The following ERICH3 variants were observed in gnomAD, a reference collection of about 807,000 sequenced individuals.
ERICH3 encodes the protein glutamate rich 3, also known as glutamate-rich protein 3.
ERICH3 carries 126 observed loss-of-function variants against 131.1 expected under a neutral mutation model. The observed-to-expected ratio is 0.96, with a 90% CI of 0.83 to 1.11. ERICH3 has a LOEUF of 1.11. Among genes scored for constraint, ERICH3 ranks in the 50% most tolerant of loss-of-function variants. ERICH3 has a pLI of 0.00. For missense variants in ERICH3, 2,050 were observed against 1,810.7 expected, an observed-to-expected ratio of 1.13 and a Z score of -2.40; for synonymous variants, 695 against 644.6, an observed-to-expected ratio of 1.08 and a Z score of -1.18.
chr1:74,616,988 A>G lies in ERICH3; in HGVS notation c.1000+3746T>C, dbSNP rs542684057. Among the ~76,000 whole-genome samples the G allele has an allele frequency of 5.9e-5, 9 of 152,266 alleles. No individual in the cohort carries two copies. In the South Asian group the frequency reaches 1.7e-3, roughly 28 times the overall value. ...ATAAATTCTTGATGTTTTCAGATAT[A>G]CTTTTGGGGACGTTAGCAATGAGCT... On this transcript the variant is annotated intron_variant, in intron 8 of 14. Transcript: ENST00000326665.
At chr1:74,602,587 G>A (rs1472831918) in intron 10 of ERICH3, among the ~76,000 whole-genome samples, 1 of 151,794 alleles carries the variant, frequency 6.6e-6, no homozygotes, top group East Asian at 1.9e-4. Flanking sequence ...CGACTATTAT[G>A]CAGAGAGCTA....
chr1:74,575,338 A>G (rs1647031248), intron 13 of ERICH3, among the ~76,000 whole-genome samples: 1 of 152,222 alleles, frequency 6.6e-6, no homozygotes, highest in African/African-American at 2.4e-5. Flanking sequence ...TCAAAGGAGT[A>G]AAATAAAAAT....
intron 1 of ERICH3, among the ~76,000 whole-genome samples, chr1:74,652,877 G>A (rs1214307858): frequency 6.6e-6 from 1 of 152,096 alleles, no homozygotes; most frequent in African/African-American, 2.4e-5. Context: ...CTGGTCACTA[G>A]GTGGGGGAAA....
At chr1:74,649,470 A>G (rs745938555) in intron 1 of ERICH3, among the ~76,000 whole-genome samples, 155 bp from the exon 2 acceptor site, 8 of 152,126 alleles carry the variant, frequency 5.3e-5, no homozygotes, top group Non-Finnish European at 1.0e-4. Flanking sequence ...TTGAGTCCCT[A>G]TTCTTTTCTA....
intron 1 of ERICH3, among the ~76,000 whole-genome samples, chr1:74,658,419 C>T (rs2100651223): frequency 6.6e-6 from 1 of 152,202 alleles, no homozygotes; most frequent in East Asian, 1.9e-4. Context: ...TCAAATCGTA[C>T]ACAGACCAAA....
Position 74,577,184 on chromosome 1 carries a change from G to T in ERICH3, c.2177-248C>A, listed in dbSNP as rs151239934. On this transcript the variant is annotated intron_variant, in intron 12 of 14. Coordinates refer to ENST00000326665, the MANE Select transcript of ERICH3 (RefSeq NM_001002912.5). ...AATAATAAATTTATACCTGATGTTA[G>T]CTGTGAAGCTCTCCTTAGGGCCTGT... 77 of 373,594 alleles carry T rather than the reference G, an allele frequency of 2.1e-4. No homozygotes were observed. In the East Asian group the frequency reaches 3.2e-3, roughly 16 times the overall value. 23.1% of individuals were successfully genotyped at this position (373,594 alleles called of 1,614,324 possible).
At chr1:74,665,033 G>A (rs1201311224) in intron 1 of ERICH3, among the ~76,000 whole-genome samples, 3 of 152,084 alleles carry the variant, frequency 2.0e-5, no homozygotes, top group African/African-American at 4.8e-5. Flanking sequence ...AACCCACAAT[G>A]TTATTGTATT....
chr1:74,586,375 T>G, intron 12 of ERICH3: 1 of 967,626 alleles, frequency 1.0e-6, no homozygotes, highest in Non-Finnish European at 1.2e-6. Flanking sequence ...TCTATACCTA[T>G]CTACCTACCT....
chr1:74,630,649 T>C (rs1014842518), intron 7 of ERICH3, among the ~76,000 whole-genome samples: 3 of 151,988 alleles, frequency 2.0e-5, no homozygotes, highest in Non-Finnish European at 4.4e-5. Flanking sequence ...AAAACAGAAG[T>C]CTAAGGTTGC....
chr1:74,603,509 G>T (rs1648241993), intron 10 of ERICH3, among the ~76,000 whole-genome samples: 2 of 151,702 alleles, frequency 1.3e-5, no homozygotes, highest in African/African-American at 4.8e-5. Flanking sequence ...TGCTGCTTTA[G>T]GTATAAGCAT....
intron 11 of ERICH3, among the ~76,000 whole-genome samples, chr1:74,592,621 T>C (rs1312893478): frequency 6.6e-6 from 1 of 152,182 alleles, no homozygotes; most frequent in Non-Finnish European, 1.5e-5. Flanking sequence ...GCAGCTTCCA[T>C]TAATTGTATT....
At chr1:74,576,858 T>A in intron 13 of ERICH3, 37 bp downstream of exon 13, 1 of 1,552,934 alleles carries the variant, frequency 6.4e-7, no homozygotes, top group Non-Finnish European at 8.7e-7. Flanking sequence ...GTCTGTTGGA[T>A]CACTCTAATT....
In ERICH3 at chr1:74,570,789, C is replaced by G. The variant is rs114361841; in HGVS notation, c.*18+310G>C. Among the ~76,000 whole-genome samples the G allele has an allele frequency of 8.7e-3, 1,327 of 152,238 alleles. 16 individuals are homozygous for G. The highest frequency in any genetic ancestry group is 0.031 in the African/African-American group (1,278 of 41,528). On this transcript the variant is annotated intron_variant, in intron 14 of 14. Transcript: ENST00000326665. ...TGTGGCCTGTCCTCTGTGGCACATT[C>G]TCCTCTGTATTTTCTCTTTGGGGGT...
chr1:74,597,306 C>T (rs1309059143), intron 11 of ERICH3, among the ~76,000 whole-genome samples: 5 of 151,714 alleles, frequency 3.3e-5, no homozygotes, highest in African/African-American at 7.3e-5. Flanking sequence ...GAAAGTCTGA[C>T]GATGGAGTAA....
intron 1 of ERICH3, among the ~76,000 whole-genome samples, chr1:74,657,303 C>G (rs1215302941): frequency 6.6e-6 from 1 of 151,764 alleles, no homozygotes; most frequent in Admixed American, 6.6e-5. Context: ...AATATAGTTC[C>G]CAGGGAGGCA....
In ERICH3 at chr1:74,654,718, C is replaced by A. The variant is rs533361362; in HGVS notation, c.24-5403G>T. 1.8e-4 allele frequency among the ~76,000 whole-genome samples: 27 copies of A among 152,236 alleles called. No individual in the cohort carries two copies. In the East Asian group the frequency reaches 4.5e-3, roughly 25 times the overall value. ...ATCACATTGGGGATTAGGGTTTCAA[C>A]ATATGAATTTTGGGGAGACACAGAC... On this transcript the variant is annotated intron_variant, in intron 1 of 14. Transcript: ENST00000326665.
At chr1:74,666,971 T>C (rs911123727) in intron 1 of ERICH3, among the ~76,000 whole-genome samples, 4 of 152,198 alleles carry the variant, frequency 2.6e-5, no homozygotes, top group African/African-American at 9.6e-5. Context: ...CTTGAGTATG[T>C]AGACATTGTA....
Position 74,571,500 on chromosome 1 carries a change from C to T in ERICH3, c.4210G>A (p.Val1404Met). ...CCACTCCGTGCTAATTCCTCTACCA[C>T]CACCTTCCCTGCAGCTGCTGTTTTT... The part of the protein sequence containing the change: ...VGKTAAAGKV[V>M]VEELARSGEE... The change falls in exon 14 of 15, where the codon GTG becomes ATG. Residue 1404 changes from valine to methionine, a missense_variant. Val to Met is a conservative substitution (Grantham distance 21, BLOSUM62 1). Coordinates refer to ENST00000326665, the MANE Select transcript of ERICH3 (RefSeq NM_001002912.5). 6.2e-7 allele frequency: 1 copy of T among 1,614,172 alleles called. No homozygotes were observed. The highest frequency in any genetic ancestry group is 8.5e-7 in the Non-Finnish European group (1 of 1,180,014).
At chr1:74,629,545 T>C (rs1441535265) in intron 7 of ERICH3, among the ~76,000 whole-genome samples, 1 of 152,100 alleles carries the variant, frequency 6.6e-6, no homozygotes, top group Non-Finnish European at 1.5e-5. Flanking sequence ...GCTTCACTTG[T>C]CACGACCCTG....
Sources: allele counts gnomAD v4.1 joint callset (sites outside exome capture counted in the v4.1 genomes callset), GRCh38; gene constraint gnomAD v4.1.1; transcripts MANE v1.5; gene names NCBI Gene and HGNC (gene_info 2026-07-23, HGNC 2026-07-21).